The following TMEM131L variants were observed in gnomAD, a reference collection of about 807,000 sequenced individuals.
TMEM131L encodes transmembrane protein 131-like.
A neutral mutation model predicts 192.2 loss-of-function variants in TMEM131L; 54 were observed. The observed-to-expected ratio is 0.28, with a 90% CI of 0.23 to 0.35. The LOEUF is 0.35. Ranked by LOEUF, TMEM131L falls within the 10% of genes least tolerant of loss-of-function variation. TMEM131L has a pLI of 1.00. For synonymous variants in TMEM131L, 701 were observed against 704.9 expected (o/e 0.99, Z 0.09); for missense variants, 1,888 against 1,972.9 (o/e 0.96, Z 0.82).
At position 153,555,779 on chromosome 4, in the gene TMEM131L, C is replaced by G. The variant is rs1737937542; in HGVS notation, c.309-8C>G. The stretch of plus-strand genomic sequence containing the variant: ...TACATTGATTTTTCTCTTTGTTTCT[C>G]CTCCTAGGTTCCTGGGACATCCTGT... On this transcript the variant is annotated splice_polypyrimidine_tract_variant and splice_region_variant and intron_variant, in intron 4 of 34. Transcript: ENST00000409959. This position sits in a 1 kb window ranked among gnomAD's most constrained non-coding sequence, Gnocchi z 4.1. 2 of 1,549,204 alleles carry G rather than the reference C, an allele frequency of 1.3e-6. No homozygotes were observed. The highest frequency in any genetic ancestry group is 1.7e-6 in the Non-Finnish European group (2 of 1,145,152).
chr4:153,546,725 T>C (rs1580184622), intron 3 of TMEM131L, among the ~76,000 whole-genome samples: 1 of 152,150 alleles, frequency 6.6e-6, no homozygotes, highest in East Asian at 1.9e-4. Context: ...GTCAGGAGTT[T>C]GAGACCAGCC....
chr4:153,533,480 C>G (rs1471283813), intron 3 of TMEM131L, among the ~76,000 whole-genome samples: 1 of 152,138 alleles, frequency 6.6e-6, no homozygotes, highest in African/African-American at 2.4e-5. Context: ...TGATTTATTT[C>G]TTCATTCTGG....
intron 31 of TMEM131L, among the ~76,000 whole-genome samples, chr4:153,628,538 C>G (rs1167945134): frequency 6.6e-6 from 1 of 152,148 alleles, no homozygotes; most frequent in African/African-American, 2.4e-5. Context: ...AATTTTAACC[C>G]TTGAAGGTGA....
At chr4:153,587,585 C>G (rs1474266522) in intron 14 of TMEM131L, among the ~76,000 whole-genome samples, 157 bp from the exon 15 acceptor site, 1 of 152,138 alleles carries the variant, frequency 6.6e-6, no homozygotes, top group African/African-American at 2.4e-5. Flanking sequence ...TCAGATTTCT[C>G]TGAAAATTCC....
At chr4:153,606,015 CTG>C (rs1396898976) in intron 25 of TMEM131L, among the ~76,000 whole-genome samples, 3 of 152,192 alleles carry the variant, frequency 2.0e-5, no homozygotes, top group South Asian at 2.1e-4. Context: ...AGGGTGGACA[CTG>C]TGCCCTGTCT....
chr4:153,585,631 C>T lies in TMEM131L; in HGVS notation c.1311+20C>T, dbSNP rs1194436292. 1 of 1,554,548 alleles carries T rather than the reference C, an allele frequency of 6.4e-7. No homozygotes were observed. The highest frequency in any genetic ancestry group is 2.4e-5 in the East Asian group (1 of 42,266). ...TTAAAGGTACATATAGTATTTTTTC[C>T]CCAAGTTTTAGCTTATTTTAAGCTT... On this transcript the variant is annotated intron_variant, in intron 13 of 34. Coordinates refer to ENST00000409959, the MANE Select transcript of TMEM131L (RefSeq NM_001131007.2).
intron 25 of TMEM131L, among the ~76,000 whole-genome samples, chr4:153,604,715 A>G (rs1380194323): frequency 6.6e-6 from 1 of 151,948 alleles, no homozygotes; most frequent in Non-Finnish European, 1.5e-5. Context: ...TTATTTATTT[A>G]TTTATTTGAG....
chr4:153,633,295 CAG>C (rs1354221334), intron 32 of TMEM131L: 1 of 154,730 alleles, frequency 6.5e-6, no homozygotes, highest in Non-Finnish European at 1.4e-5. Flanking sequence ...TAGCTCACTG[CAG>C]CCTTGAACTC....
At chr4:153,587,547 C>T (rs1377184972) in intron 14 of TMEM131L, among the ~76,000 whole-genome samples, 195 bp from the exon 15 acceptor site, 1 of 152,128 alleles carries the variant, frequency 6.6e-6, no homozygotes, top group African/African-American at 2.4e-5. Context: ...GCAGAAGCCA[C>T]TCAGTGACCC....
At chr4:153,552,703 G>A (rs1187283915) in intron 4 of TMEM131L, among the ~76,000 whole-genome samples, 1 of 151,918 alleles carries the variant, frequency 6.6e-6, no homozygotes, top group African/African-American at 2.4e-5. Context: ...GCATGGTGGT[G>A]CACACCTGTA....
At chr4:153,598,226 C>T (rs1731581919) in intron 20 of TMEM131L, among the ~76,000 whole-genome samples, 2 of 147,768 alleles carry the variant, frequency 1.4e-5, no homozygotes, top group African/African-American at 4.9e-5. Flanking sequence ...GTCTGTGTCC[C>T]CCAGTTTATT....
At chr4:153,550,562 G>A (rs1301310611) in intron 4 of TMEM131L, among the ~76,000 whole-genome samples, 2 of 152,110 alleles carry the variant, frequency 1.3e-5, no homozygotes, top group Non-Finnish European at 2.9e-5. Flanking sequence ...TCCTGACTTC[G>A]TGATCCGCCC....
chr4:153,476,913 G>A lies in TMEM131L; in HGVS notation c.239+3025G>A, dbSNP rs191127537. 6.6e-5 allele frequency among the ~76,000 whole-genome samples: 10 copies of A among 152,268 alleles called. No homozygotes were observed. In the East Asian group the frequency reaches 9.6e-4, roughly 15 times the overall value. ...TGAGTTTTATTAAAAATGCCAGTAC[G>A]TACAGTGTGGCAGAGATTACATTTT... On this transcript the variant is annotated intron_variant, in intron 3 of 34. Transcript: ENST00000409959.
intron 3 of TMEM131L, among the ~76,000 whole-genome samples, chr4:153,508,354 A>G (rs775136605): frequency 2.0e-5 from 3 of 152,228 alleles, no homozygotes; most frequent in Non-Finnish European, 2.9e-5. Flanking sequence ...TGGTGTCCAT[A>G]TGAGATGTTA....
intron 26 of TMEM131L, among the ~76,000 whole-genome samples, chr4:153,618,476 C>CA (rs10669791): frequency 0.037 from 3,685 of 99,372 alleles, 230 homozygotes; most frequent in East Asian, 0.11. Context: ...ACCCTGTCTC[C>CA]AAAAAAAAAA....
At chr4:153,575,386 A>G (rs888162446) in intron 7 of TMEM131L, among the ~76,000 whole-genome samples, 1 of 152,130 alleles carries the variant, frequency 6.6e-6, no homozygotes, top group Non-Finnish European at 1.5e-5. Context: ...TGACCTTTGC[A>G]TTTTATCTTG....
At chr4:153,599,644 A>G (rs543345717) in intron 21 of TMEM131L, among the ~76,000 whole-genome samples, 1 of 152,380 alleles carries the variant, frequency 6.6e-6, no homozygotes, top group East Asian at 1.9e-4. Flanking sequence ...ACAGAAAATC[A>G]CTGAAATGAT....
Position 153,555,591 on chromosome 4 carries a change from T to C in TMEM131L, c.309-196T>C, listed in dbSNP as rs1332087749. Among the ~76,000 whole-genome samples, 2 of 152,234 alleles carry C rather than the reference T, an allele frequency of 1.3e-5. No homozygotes were observed. Among genetic ancestry groups the C allele is most frequent in the Non-Finnish European group, 2.9e-5 (2 of 68,040 alleles). On this transcript the variant is annotated intron_variant, in intron 4 of 34. Transcript: ENST00000409959. This position sits in a 1 kb window ranked among gnomAD's most constrained non-coding sequence, Gnocchi z 4.1. ...TAAGCCTTATAAAATAAAGTTGTTTTTTGTTTTATGACTTTTGACTGTTGT... is the reference window on the plus strand; with the variant it reads ...TAAGCCTTATAAAATAAAGTTGTTTCTTGTTTTATGACTTTTGACTGTTGT...
intron 3 of TMEM131L, among the ~76,000 whole-genome samples, chr4:153,524,288 C>T (rs976159919): frequency 1.3e-5 from 2 of 152,154 alleles, no homozygotes; most frequent in Admixed American, 6.5e-5. Context: ...CCCTAGGTCT[C>T]TCAGCAGAAG....
Sources: gnomAD v4.1 joint callset for allele counts (sites outside exome capture counted in the v4.1 genomes callset) on GRCh38, gnomAD v4.1.1 for gene constraint, Gnocchi (gnomAD v3.1) non-coding constraint, MANE v1.5 for transcripts, NCBI Gene and HGNC (gene_info 2026-07-23, HGNC 2026-07-21) for gene names.